The following SEMA4F variants were observed in gnomAD, a reference collection of about 807,000 sequenced individuals.
SEMA4F encodes semaphorin-4F.
A neutral mutation model predicts 78.4 loss-of-function variants in SEMA4F; 51 were observed. That is an observed-to-expected ratio of 0.65 (90% CI 0.52 to 0.82). The LOEUF (loss-of-function observed/expected upper bound fraction) is 0.82. SEMA4F is among the 40% of genes least tolerant of loss of function. The probability of loss-of-function intolerance (pLI) is 0.00; values close to 1 mark genes in which losing one functional copy is unlikely to be tolerated. For missense variants in SEMA4F, 938 were observed against 1,014.4 expected, an observed-to-expected ratio of 0.92 and a Z score of 1.02; for synonymous variants, 418 against 408.7, an observed-to-expected ratio of 1.02 and a Z score of -0.27.
intron 4 of SEMA4F, among the ~76,000 whole-genome samples, chr2:74,661,374 C>T (rs1684416249): frequency 6.6e-6 from 1 of 152,118 alleles, no homozygotes; most frequent in Non-Finnish European, 1.5e-5. Flanking sequence ...AAGTCAGTGA[C>T]CAATACTTCA....
chr2:74,696,387 G>T, the SEMA4F span, among the ~76,000 whole-genome samples: 3 of 151,788 alleles, frequency 2.0e-5, no homozygotes, highest in Admixed American at 6.6e-5. Flanking sequence ...TAGTAGAGAC[G>T]GGGTTTCATC....
At chr2:74,678,252 G>C (rs966351253) in intron 12 of SEMA4F, among the ~76,000 whole-genome samples, 1 of 152,150 alleles carries the variant, frequency 6.6e-6, no homozygotes, top group Non-Finnish European at 1.5e-5. Flanking sequence ...TGAGTGGAGG[G>C]GGGTGGTGGG....
Position 74,679,628 on chromosome 2 carries a change from G to T in SEMA4F, c.1732G>T (p.Ala578Ser). The stretch of plus-strand genomic sequence containing the variant: ...TCCAGTAGTGTTTGAAGTTCCCGTG[G>T]CTACAGCTGCGCATGTGGTCTTGCC... ...ERPVVFEVPV[A>S]TAAHVVLPCS... Residue 578 changes from alanine to serine, a missense_variant, in exon 14 of 14, where the codon GCT (alanine) becomes TCT (serine). Transcript: ENST00000357877. The T allele has an allele frequency of 6.2e-7, 1 of 1,607,280 alleles. No homozygotes were observed.
chr2:74,686,785 C>T (rs185737406), downstream of SEMA4F, among the ~76,000 whole-genome samples: 179 of 152,010 alleles, frequency 1.2e-3, 1 homozygote, highest in African/African-American at 4.1e-3. Flanking sequence ...GGACAGAAAA[C>T]CAAACACTGC....
At chr2:74,704,136 T>C in the SEMA4F span, among the ~76,000 whole-genome samples, 42,948 of 151,568 alleles carry the variant, frequency 0.28, 9,012 homozygotes, top group East Asian at 0.82. Flanking sequence ...CATCCCAGCT[T>C]GGTGAGGTAG....
chr2:74,695,157 T>C, the SEMA4F span, among the ~76,000 whole-genome samples: 1 of 152,226 alleles, frequency 6.6e-6, no homozygotes, highest in Non-Finnish European at 1.5e-5. Flanking sequence ...GATCTCTGCG[T>C]GTCTCAGCAG....
chr2:74,701,931 G>A, the SEMA4F span, among the ~76,000 whole-genome samples: 3 of 152,146 alleles, frequency 2.0e-5, no homozygotes, highest in Admixed American at 6.5e-5. Flanking sequence ...CAGCCGTTGA[G>A]CAATTGCAAT....
At position 74,658,055 on chromosome 2, in the gene SEMA4F, T is replaced by C; in HGVS notation, c.456+104T>C. The C allele has an allele frequency of 4.0e-6, 4 of 996,928 alleles. No individual in the cohort carries two copies. Among genetic ancestry groups the C allele is most frequent in the Non-Finnish European group, 3.2e-6 (2 of 633,020 alleles). 61.8% of individuals were successfully genotyped at this position (996,928 alleles called of 1,614,324 possible). ...AAGGGTTTTCTGTGAGCGACCATGA[T>C]GGGGGCATGGTCAAGGCAACCATTG... On this transcript the variant is annotated intron_variant, in intron 4 of 13. Coordinates refer to ENST00000357877, the MANE Select transcript of SEMA4F (RefSeq NM_004263.5). The surrounding 1 kb of genome is among the most constrained non-coding windows in gnomAD (Gnocchi z 4.3).
chr2:74,673,926 G>A lies in SEMA4F; in HGVS notation c.822+98G>A, dbSNP rs941614003. On this transcript the variant is annotated intron_variant, in intron 7 of 13. Transcript: ENST00000357877. ...GGGTCTCTGTCTTTGAATCTCTCCT[G>A]TGTCTCCTATTTTCTCTGCCTTGAC... 2.9e-6 allele frequency: 4 copies of A among 1,377,092 alleles called. No homozygotes were observed. The Admixed American group carries it at 8.6e-5, about 30-fold the overall frequency. The allele number at this position is 1,377,092 out of a possible 1,614,324, so 85.3% of individuals were successfully genotyped here.
downstream of SEMA4F, among the ~76,000 whole-genome samples, chr2:74,687,976 A>G (rs1328780789): frequency 3.9e-5 from 6 of 152,192 alleles, no homozygotes; most frequent in African/African-American, 4.8e-5. Context: ...AATAATAATA[A>G]TAATGCCCTA....
At chr2:74,675,960 A>G in intron 12 of SEMA4F, 51 bp downstream of exon 12, 1 of 1,547,722 alleles carries the variant, frequency 6.5e-7, no homozygotes, top group South Asian at 1.2e-5. Context: ...GCTCTGTCCC[A>G]TCCATATGTC....
At chr2:74,665,382 A>G (rs1684638528) in intron 5 of SEMA4F, among the ~76,000 whole-genome samples, 1 of 151,820 alleles carries the variant, frequency 6.6e-6, no homozygotes, top group African/African-American at 2.4e-5. Flanking sequence ...GGCGCGTGTC[A>G]CCATGCCCGG....
Position 74,656,570 on chromosome 2 carries a change from A to T in SEMA4F, c.182A>T (p.His61Leu), listed in dbSNP as rs1190946045. ...TGTCTCACCCGGTTCGCAGTCCCTC[A>T]CACATACAATTACTCTGTTCTCCTT... ...DSCLTRFAVP[H>L]TYNYSVLLVD... Residue 61 changes from histidine to leucine, a missense_variant, in exon 2 of 14, where the codon CAC (histidine) becomes CTC (leucine). Physicochemically the swap from His to Leu is moderately conservative, Grantham distance 99 (BLOSUM62 -3). Coordinates refer to ENST00000357877, the MANE Select transcript of SEMA4F (RefSeq NM_004263.5). 1 of 1,614,024 alleles carries T rather than the reference A, an allele frequency of 6.2e-7. No individual in the cohort carries two copies. Among genetic ancestry groups the T allele is most frequent in the East Asian group, 2.2e-5 (1 of 44,880 alleles).
chr2:74,659,541 C>T (rs766738347), intron 4 of SEMA4F, among the ~76,000 whole-genome samples: 4 of 152,172 alleles, frequency 2.6e-5, no homozygotes, highest in Non-Finnish European at 5.9e-5. Context: ...AGCTCTTTTC[C>T]TGAACTCTCC....
the SEMA4F span, among the ~76,000 whole-genome samples, chr2:74,708,809 ATAAAC>A: frequency 6.6e-6 from 1 of 152,246 alleles, no homozygotes; most frequent in African/African-American, 2.4e-5. Flanking sequence ...ATGAGTAGTT[ATAAAC>A]ATGCTTAAAA....
chr2:74,680,415 A>G lies in SEMA4F; in HGVS notation c.*206A>G, dbSNP rs1412010832. On this transcript the variant is annotated 3_prime_UTR_variant, in exon 14 of 14. Transcript: ENST00000357877. Reference sequence around the variant, plus strand: ...GCCTGATTCCTGATTCCCATGAGAAATCAGAACTGCTTTCTGCAGCAAATC... The same window carrying G: ...GCCTGATTCCTGATTCCCATGAGAAGTCAGAACTGCTTTCTGCAGCAAATC... 1.1e-5 allele frequency: 6 copies of G among 538,198 alleles called. No homozygotes were observed. 33.3% of individuals were successfully genotyped at this position (538,198 alleles called of 1,614,324 possible). A position where few individuals can be genotyped will look rare whatever the true frequency, so the allele number is the denominator to read the frequency against.
chr2:74,654,263 T>G lies in SEMA4F; in HGVS notation c.-114T>G. On this transcript the variant is annotated 5_prime_UTR_variant, in exon 1 of 14. Coordinates refer to ENST00000357877, the MANE Select transcript of SEMA4F (RefSeq NM_004263.5). ...CCGGGCGGTGTTTCATCCCTCAGCC[T>G]CAGGCTGAGCCGGACCGAGCCGAGA... 8.0e-7 allele frequency: 1 copy of G among 1,257,482 alleles called. No individual in the cohort carries two copies. Among genetic ancestry groups the G allele is most frequent in the Non-Finnish European group, 1.0e-6 (1 of 973,572 alleles). The allele number at this position is 1,257,482 out of a possible 1,614,324, so 77.9% of individuals were successfully genotyped here.
intron 4 of SEMA4F, among the ~76,000 whole-genome samples, chr2:74,661,682 C>T (rs2104932984): frequency 6.6e-6 from 1 of 152,326 alleles, no homozygotes; most frequent in Admixed American, 6.5e-5. Flanking sequence ...AAAGTTTTAA[C>T]AGGCCTTCTT....
At chr2:74,704,881 G>T in the SEMA4F span, among the ~76,000 whole-genome samples, 1 of 152,094 alleles carries the variant, frequency 6.6e-6, no homozygotes, top group Non-Finnish European at 1.5e-5. Flanking sequence ...CTCTTCTTCA[G>T]CTCCTCCCAA....
Sources: gnomAD v4.1 joint callset for allele counts (sites outside exome capture counted in the v4.1 genomes callset) on GRCh38, gnomAD v4.1.1 for gene constraint, Gnocchi (gnomAD v3.1) non-coding constraint, MANE v1.5 for transcripts, NCBI Gene and HGNC (gene_info 2026-07-23, HGNC 2026-07-21) for gene names.